Variants in FRMD4A observed in about 807,000 individuals in gnomAD.
The protein encoded by FRMD4A is FERM domain containing 4A.
Under a neutral mutation model 129.1 loss-of-function variants are expected in FRMD4A, and 29 were observed. The observed-to-expected ratio is 0.22, with a 90% CI of 0.17 to 0.31. The LOEUF is 0.31. FRMD4A is among the 10% of genes least tolerant of loss of function. The pLI, the probability that FRMD4A is intolerant of heterozygous loss-of-function variation, is 1.00. For synonymous variants in FRMD4A, 634 were observed against 571.6 expected, an observed-to-expected ratio of 1.11 and a Z score of -1.56; for missense variants, 1,272 against 1,375.8, an observed-to-expected ratio of 0.92 and a Z score of 1.19.
At position 13,791,023 on chromosome 10, in the gene FRMD4A, G is replaced by T. The variant is rs560003703; in HGVS notation, c.299+5473C>A. Among the ~76,000 whole-genome samples, 88 of 152,308 alleles carry T rather than the reference G, an allele frequency of 5.8e-4. 1 individual carries two copies. Among genetic ancestry groups the T allele is most frequent in the Admixed American group, 2.3e-3 (35 of 15,304 alleles). The stretch of plus-strand genomic sequence containing the variant: ...TGGATCAGTGCGTGCTGGATGATGG[G>T]CTAAGGGTCTTCCTCTGAGACGCTC... On this transcript the variant is annotated intron_variant, in intron 5 of 24. Coordinates refer to ENST00000357447, the MANE Select transcript of FRMD4A (RefSeq NM_018027.5).
chr10:14,113,183 T>C (rs564445674), intron 2 of FRMD4A, among the ~76,000 whole-genome samples: 3 of 152,344 alleles, frequency 2.0e-5, no homozygotes, highest in African/African-American at 7.2e-5. Flanking sequence ...AGATACATCG[T>C]TTAAAAGTTA....
intron 2 of FRMD4A, among the ~76,000 whole-genome samples, chr10:14,271,444 T>C (rs1484051929): frequency 2.0e-5 from 3 of 152,240 alleles, no homozygotes; most frequent in Non-Finnish European, 2.9e-5. Context: ...CACTGGGACA[T>C]GAACCTCACA....
intron 12 of FRMD4A, among the ~76,000 whole-genome samples, chr10:13,718,353 C>T (rs562672171): frequency 1.3e-5 from 2 of 152,360 alleles, no homozygotes; most frequent in Admixed American, 1.3e-4. Flanking sequence ...GTGGCGGCAG[C>T]CAGCAGAGAT....
At chr10:14,234,488 G>C (rs1456078200) in intron 2 of FRMD4A, among the ~76,000 whole-genome samples, 1 of 152,214 alleles carries the variant, frequency 6.6e-6, no homozygotes, top group Non-Finnish European at 1.5e-5. Flanking sequence ...TTCTTAGGTA[G>C]CAGCCAGCCC....
intron 2 of FRMD4A, among the ~76,000 whole-genome samples, chr10:14,294,914 C>T (rs766537535): frequency 3.3e-5 from 5 of 152,180 alleles, no homozygotes; most frequent in Non-Finnish European, 7.3e-5. Context: ...CCTTTACAGT[C>T]TCACATTAAT....
intron 2 of FRMD4A, among the ~76,000 whole-genome samples, chr10:13,944,292 C>A (rs571125574): frequency 0.023 from 2,690 of 115,094 alleles, 33 homozygotes; most frequent in Non-Finnish European, 0.041. Context: ...GGAGCACGAA[C>A]CCTGTTCGTG....
At chr10:13,852,941 C>G (rs2094159934) in intron 3 of FRMD4A, among the ~76,000 whole-genome samples, 2 of 152,134 alleles carry the variant, frequency 1.3e-5, no homozygotes, top group Admixed American at 1.3e-4. Context: ...TGGCAATAAT[C>G]TAACTGTTAT....
intron 2 of FRMD4A, among the ~76,000 whole-genome samples, chr10:14,170,706 CA>C (rs1177175744): frequency 6.6e-6 from 1 of 152,172 alleles, no homozygotes; most frequent in Non-Finnish European, 1.5e-5. Context: ...CTATTTACCG[CA>C]CAAACATTTG....
At chr10:13,975,454 GTC>G (rs1260345746) in intron 2 of FRMD4A, among the ~76,000 whole-genome samples, 1 of 151,590 alleles carries the variant, frequency 6.6e-6, no homozygotes, top group African/African-American at 2.4e-5. Flanking sequence ...CTATTCGTGT[GTC>G]TGTTTGTCTA....
intron 2 of FRMD4A, among the ~76,000 whole-genome samples, chr10:13,929,615 A>G (rs2095171518): frequency 6.6e-6 from 1 of 152,238 alleles, no homozygotes; most frequent in Non-Finnish European, 1.5e-5. Context: ...ATTGGGGGAC[A>G]GTAGGGAGGG....
At chr10:13,690,198 T>C (rs999875104) in intron 15 of FRMD4A, among the ~76,000 whole-genome samples, 5 of 152,218 alleles carry the variant, frequency 3.3e-5, no homozygotes, top group Non-Finnish European at 5.9e-5. Flanking sequence ...CAGCGGGGCT[T>C]GTCCCCTTTG....
intron 2 of FRMD4A, among the ~76,000 whole-genome samples, chr10:14,068,315 G>A (rs1309199273): frequency 6.6e-6 from 1 of 152,208 alleles, no homozygotes. Flanking sequence ...TCTGAACAGA[G>A]TGTTTAGGAG....
At chr10:13,714,197 G>A (rs2134943210) in intron 12 of FRMD4A, among the ~76,000 whole-genome samples, 1 of 149,638 alleles carries the variant, frequency 6.7e-6, no homozygotes, top group South Asian at 2.1e-4. Flanking sequence ...CAAGTAGCTG[G>A]GATTACAGGC....
chr10:13,852,412 A>T (rs186255870), intron 3 of FRMD4A, among the ~76,000 whole-genome samples: 51 of 151,860 alleles, frequency 3.4e-4, no homozygotes, highest in Non-Finnish European at 3.7e-4. Flanking sequence ...CCTGGTAGAG[A>T]CAGGGTTTCA....
At chr10:13,912,336 A>G (rs1299138487) in intron 2 of FRMD4A, among the ~76,000 whole-genome samples, 1 of 152,136 alleles carries the variant, frequency 6.6e-6, no homozygotes, top group Admixed American at 6.6e-5. Flanking sequence ...AAAATGTTAA[A>G]CACAGAGGGA....
At chr10:13,984,068 C>T (rs944241614) in intron 2 of FRMD4A, among the ~76,000 whole-genome samples, 2 of 152,090 alleles carry the variant, frequency 1.3e-5, no homozygotes, top group Middle Eastern at 3.4e-3. Flanking sequence ...GGTAGTGAGC[C>T]ACTGATGAGG....
chr10:13,987,586 G>A (rs912732444), intron 2 of FRMD4A, among the ~76,000 whole-genome samples: 5 of 152,236 alleles, frequency 3.3e-5, no homozygotes, highest in Middle Eastern at 3.4e-3. Flanking sequence ...CTCTGGATGG[G>A]AGACTAGAAT....
intron 2 of FRMD4A, among the ~76,000 whole-genome samples, chr10:13,877,541 T>C (rs189507560): frequency 2.6e-5 from 4 of 152,266 alleles, no homozygotes; most frequent in Admixed American, 2.6e-4. Flanking sequence ...ACCCTCCCCA[T>C]TCCAATACAG....
intron 24 of FRMD4A, chr10:13,649,682 G>A (rs2081391104): frequency 6.6e-6 from 1 of 152,174 alleles, no homozygotes; most frequent in Non-Finnish European, 1.5e-5. Context: ...TTCATGTATT[G>A]GTCTTTTATT....
Sources: allele counts gnomAD v4.1 joint callset (sites outside exome capture counted in the v4.1 genomes callset), GRCh38; gene constraint gnomAD v4.1.1; transcripts MANE v1.5; gene names NCBI Gene and HGNC (gene_info 2026-07-23, HGNC 2026-07-21).